Variants in GRM7 observed in about 807,000 individuals in gnomAD.
GRM7 encodes the protein glutamate metabotropic receptor 7, also known as metabotropic glutamate receptor 7.
Under a neutral mutation model 84.5 loss-of-function variants are expected in GRM7, and 35 were observed. The ratio of observed to expected loss-of-function variants is 0.41; its 90% CI spans 0.32 to 0.55. The LOEUF (loss-of-function observed/expected upper bound fraction) is 0.55, where lower values mean the gene tolerates loss of function less well. Among genes scored for constraint, GRM7 ranks in the 20% least tolerant of loss-of-function variants. GRM7 has a pLI of 0.19. For synonymous variants in GRM7, 487 were observed against 455.1 expected (o/e 1.07, Z -0.89); for missense variants, 1,003 against 1,194.6 (o/e 0.84, Z 2.36).
At chr3:7,692,413 T>C (rs162781) in intron 9 of GRM7, among the ~76,000 whole-genome samples, 1 of 151,862 alleles carries the variant, frequency 6.6e-6, no homozygotes, top group Admixed American at 6.6e-5. Flanking sequence ...CTTCAGAAGC[T>C]GGGATCCTAC....
chr3:7,004,749 C>T (rs1695125155), intron 1 of GRM7, among the ~76,000 whole-genome samples: 1 of 152,050 alleles, frequency 6.6e-6, no homozygotes, highest in African/African-American at 2.4e-5. Context: ...AAATCCAATC[C>T]ATGTTTTTCC....
At chr3:7,475,485 A>C (rs1698885145) in intron 7 of GRM7, among the ~76,000 whole-genome samples, 1 of 152,130 alleles carries the variant, frequency 6.6e-6, no homozygotes, top group Non-Finnish European at 1.5e-5. Flanking sequence ...TTAACAGTAT[A>C]GATCACCTTG....
intron 4 of GRM7, among the ~76,000 whole-genome samples, chr3:7,406,380 A>G (rs368495767): frequency 2.6e-5 from 4 of 151,948 alleles, no homozygotes; most frequent in South Asian, 2.1e-4. Context: ...GGCGCCTGTA[A>G]TCCCAGCTAC....
chr3:7,644,037 A>ACCC (rs1698490757), intron 8 of GRM7, among the ~76,000 whole-genome samples: 2 of 59,502 alleles, frequency 3.4e-5, no homozygotes, highest in South Asian at 1.1e-3. Context: ...CACACACACC[A>ACCC]TATATAAAAT....
chr3:7,712,017 C>T (rs1489295786), intron 9 of GRM7, among the ~76,000 whole-genome samples: 1 of 152,200 alleles, frequency 6.6e-6, no homozygotes, highest in African/African-American at 2.4e-5. Context: ...CCACAGCAGA[C>T]TGCGCTGTAC....
chr3:7,541,179 T>A (rs1436866790), intron 7 of GRM7, among the ~76,000 whole-genome samples: 1 of 152,056 alleles, frequency 6.6e-6, no homozygotes, highest in Non-Finnish European at 1.5e-5. Context: ...ATAGTGTACT[T>A]TTTTTTGCAT....
intron 4 of GRM7, among the ~76,000 whole-genome samples, chr3:7,316,658 C>G (rs1472851101): frequency 1.3e-5 from 2 of 152,052 alleles, no homozygotes; most frequent in Non-Finnish European, 2.9e-5. Flanking sequence ...ATCATTAGAG[C>G]AGGTTTTAAG....
chr3:7,355,500 G>A (rs369895407), intron 4 of GRM7, among the ~76,000 whole-genome samples: 6 of 152,082 alleles, frequency 3.9e-5, no homozygotes, highest in Non-Finnish European at 4.4e-5. Context: ...TAGGTGAATC[G>A]CAGCAGATGC....
At chr3:7,161,889 CA>C (rs1377628786) in intron 2 of GRM7, among the ~76,000 whole-genome samples, 2 of 152,166 alleles carry the variant, frequency 1.3e-5, no homozygotes, top group Admixed American at 1.3e-4. Context: ...GTGTTGCTTA[CA>C]TTATATTGGC....
chr3:6,953,108 G>C (rs954649338), intron 1 of GRM7, among the ~76,000 whole-genome samples: 1 of 152,208 alleles, frequency 6.6e-6, no homozygotes, highest in African/African-American at 2.4e-5. Flanking sequence ...CATTGGAGTA[G>C]AACATGATGT....
intron 9 of GRM7, among the ~76,000 whole-genome samples, chr3:7,735,986 CTTATAT>C (rs934454893): frequency 1.3e-5 from 2 of 152,148 alleles, no homozygotes; most frequent in African/African-American, 4.8e-5. Context: ...AATTTACCAA[CTTATAT>C]TTATACCTTA....
chr3:7,208,436 C>T (rs141998265), intron 2 of GRM7, among the ~76,000 whole-genome samples: 3 of 152,200 alleles, frequency 2.0e-5, no homozygotes, highest in Non-Finnish European at 2.9e-5. Context: ...CAAGTTATTT[C>T]GCTTCTCTCA....
At chr3:7,262,112 C>A (rs534168352) in intron 2 of GRM7, among the ~76,000 whole-genome samples, 1 of 142,022 alleles carries the variant, frequency 7.0e-6, no homozygotes, top group Non-Finnish European at 1.5e-5. Context: ...TTTTTTTTTT[C>A]ATTTTGACCT....
chr3:7,697,613 T>C (rs1250387372), intron 9 of GRM7, among the ~76,000 whole-genome samples: 1 of 152,248 alleles, frequency 6.6e-6, no homozygotes, highest in East Asian at 1.9e-4. Flanking sequence ...CTTCTACTCA[T>C]AGATGATGAG....
intron 9 of GRM7, among the ~76,000 whole-genome samples, chr3:7,732,593 C>T (rs1330830003): frequency 1.3e-5 from 2 of 152,076 alleles, no homozygotes; most frequent in African/African-American, 4.8e-5. Context: ...GGATCCTCTT[C>T]AAAACTGTGA....
At chr3:7,266,746 AT>A (rs1698656407) in intron 2 of GRM7, among the ~76,000 whole-genome samples, 1 of 152,226 alleles carries the variant, frequency 6.6e-6, no homozygotes, top group Non-Finnish European at 1.5e-5. Context: ...ATTGTATCAA[AT>A]TTTGAGTTGC....
chr3:7,253,701 C>T (rs1308350254), intron 2 of GRM7, among the ~76,000 whole-genome samples: 1 of 151,336 alleles, frequency 6.6e-6, no homozygotes, highest in Non-Finnish European at 1.5e-5. Flanking sequence ...CCTTATAGCT[C>T]AGGAAACTGA....
intron 8 of GRM7, among the ~76,000 whole-genome samples, chr3:7,597,919 C>T (rs1295425284): frequency 6.6e-6 from 1 of 152,256 alleles, no homozygotes; most frequent in African/African-American, 2.4e-5. Context: ...TCTCTTGTTA[C>T]ATTTGAGGCA....
intron 7 of GRM7, among the ~76,000 whole-genome samples, chr3:7,525,896 T>G (rs553363402): frequency 8.4e-4 from 128 of 152,312 alleles, no homozygotes; most frequent in African/African-American, 2.9e-3. Flanking sequence ...TTTGTTCTTT[T>G]TTATGGCTGC....
Sources: gnomAD v4.1 joint callset for allele counts (sites outside exome capture counted in the v4.1 genomes callset) on GRCh38, gnomAD v4.1.1 for gene constraint, MANE v1.5 for transcripts, NCBI Gene and HGNC (gene_info 2026-07-23, HGNC 2026-07-21) for gene names.